SNX22: variants seen among roughly 807,000 people sequenced by gnomAD.
SNX22 encodes sorting nexin 22.
In SNX22, 23 loss-of-function variants were observed where a neutral mutation model predicts 24.7. The observed-to-expected ratio is 0.93, with a 90% confidence interval of 0.67 to 1.32. The LOEUF (loss-of-function observed/expected upper bound fraction) is 1.32. Among genes scored for constraint, SNX22 ranks in the 40% most tolerant of loss-of-function variants. The pLI, the probability that SNX22 is intolerant of heterozygous loss-of-function variation, is 0.00. For missense variants in SNX22, 261 were observed against 249.9 expected, an observed-to-expected ratio of 1.04 and a Z score of -0.30; for synonymous variants, 99 against 104.0, an observed-to-expected ratio of 0.95 and a Z score of 0.29.
rs2081538558 is a variant in SNX22 at position 64,157,043 on chromosome 15, G to A, written c.*2535G>A. On this transcript the variant is annotated 3_prime_UTR_variant, in exon 7 of 7. Transcript: ENST00000325881. This position sits in a 1 kb window ranked among gnomAD's most constrained non-coding sequence, Gnocchi z 4.2. ...TGGAGTGGACTACAAGGACATAAAA[G>A]CAGCGTCCTTCCTATCTTCTGGCCT... The A allele has an allele frequency of 1.0e-6, 1 of 952,674 alleles. No homozygotes were observed. Among genetic ancestry groups the A allele is most frequent in the Admixed American group, 2.5e-5 (1 of 39,728 alleles). The allele number at this position is 952,674 out of a possible 1,614,324, so 59.0% of individuals were successfully genotyped here.
At position 64,155,334 on chromosome 15, in the gene SNX22, GC is replaced by G. The variant is rs1049849011; in HGVS notation, c.*828del. The G allele has an allele frequency of 6.6e-6, 1 of 152,502 alleles. No individual in the cohort carries two copies. Among genetic ancestry groups the G allele is most frequent in the Non-Finnish European group, 1.5e-5 (1 of 68,858 alleles). The allele number at this position is 152,502 out of a possible 1,614,324, so 9.4% of individuals were successfully genotyped here. On this transcript the variant is annotated 3_prime_UTR_variant, in exon 7 of 7. Coordinates refer to ENST00000325881, the MANE Select transcript of SNX22 (RefSeq NM_024798.3). ...GCCGAGATCGCGCCACTGCACTCCAGCCTGGGCAACAAGAGTGAAACTCCGT... is the reference window on the plus strand; with the variant it reads ...GCCGAGATCGCGCCACTGCACTCCAGCTGGGCAACAAGAGTGAAACTCCGT...
chr15:64,156,626 T>C lies in SNX22; in HGVS notation c.*2118T>C. On this transcript the variant is annotated 3_prime_UTR_variant, in exon 7 of 7. Coordinates refer to ENST00000325881, the MANE Select transcript of SNX22 (RefSeq NM_024798.3). This position sits in a 1 kb window ranked among gnomAD's most constrained non-coding sequence, Gnocchi z 6.4. ...TGGGCTGCATCTGTGGGTTGGGTCC[T>C]TTTGGGAAAGGGATGGACACATGGA... 6.8e-7 allele frequency: 1 copy of C among 1,470,438 alleles called. No individual in the cohort carries two copies. The highest frequency in any genetic ancestry group is 1.7e-5 in the Admixed American group (1 of 59,826). 91.1% of individuals were successfully genotyped at this position (1,470,438 alleles called of 1,614,324 possible). A position where few individuals can be genotyped will look rare whatever the true frequency, so the allele number is the denominator to read the frequency against.
intron 4 of SNX22, 37 bp downstream of exon 4, chr15:64,153,376 G>C (rs1336842760): frequency 6.2e-7 from 1 of 1,612,446 alleles, no homozygotes; most frequent in East Asian, 2.2e-5. Flanking sequence ...GGGGCTGTCA[G>C]CAGTGAGCAG....
In SNX22 at chr15:64,156,579, GGT is replaced by G. The variant is rs1051298485; in HGVS notation, c.*2072_*2073del. 3.7e-5 allele frequency: 37 copies of G among 1,007,352 alleles called. 1 individual carries two copies. Among genetic ancestry groups the G allele is most frequent in the Middle Eastern group, 2.4e-4 (1 of 4,156 alleles). 62.4% of individuals were successfully genotyped at this position (1,007,352 alleles called of 1,614,324 possible). A position where few individuals can be genotyped will look rare whatever the true frequency, so the allele number is the denominator to read the frequency against. ...GAACCTTGGAGGCATGGAGGTACAG[GGT>G]TTATTCTGGACAGGAGCACTGGGCT... On this transcript the variant is annotated 3_prime_UTR_variant, in exon 7 of 7. Coordinates refer to ENST00000325881, the MANE Select transcript of SNX22 (RefSeq NM_024798.3). The surrounding 1 kb of genome is among the most constrained non-coding windows in gnomAD (Gnocchi z 6.4).
In SNX22 at chr15:64,154,414, G is replaced by C. The variant is rs1345182468; in HGVS notation, c.488G>C (p.Gly163Ala). ...TCGCTGCCCAACGTGGTGGTGAATG[G>C]TGTGCTCCAGGGCCTCTACAGCTTC... ...PESLPNVVVN[G>A]VLQGLYSFSI... is the part of the protein sequence containing the mutation. Residue 163 changes from glycine to alanine, a missense_variant, in exon 7 of 7, where the codon GGT becomes GCT. Coordinates refer to ENST00000325881, the MANE Select transcript of SNX22 (RefSeq NM_024798.3). 1 of 1,614,004 alleles carries C rather than the reference G, an allele frequency of 6.2e-7. No individual in the cohort carries two copies.
rs1432433450 is a variant in SNX22 at position 64,153,655 on chromosome 15, C to T, written c.363C>T (p.Thr121=). The T allele has an allele frequency of 4.3e-6, 7 of 1,614,086 alleles. No homozygotes were observed. In the East Asian group the frequency reaches 8.9e-5, roughly 21 times the overall value. The change falls in exon 5 of 7, where the codon ACC becomes ACT. Residue 121 remains threonine, a synonymous_variant. Coordinates refer to ENST00000325881, the MANE Select transcript of SNX22 (RefSeq NM_024798.3). ...PTDPKASNWG[T]LREFLPGDSS... is the part of the protein sequence containing the mutation. Reference sequence around the variant, plus strand: ...ACAGTGTTTCTCTTCTCTTCAGCACCCTGAGGGAGTTCCTGCCTGGCGACA... The same window carrying T: ...ACAGTGTTTCTCTTCTCTTCAGCACTCTGAGGGAGTTCCTGCCTGGCGACA...
intron 5 of SNX22, 34 bp from the exon 6 acceptor site, chr15:64,153,901 C>A: frequency 6.2e-7 from 1 of 1,601,410 alleles, no homozygotes; most frequent in Non-Finnish European, 8.5e-7. Context: ...CCCTGCCTCC[C>A]GCACCCATGG....
intron 4 of SNX22, 113 bp downstream of exon 4, chr15:64,153,452 C>T: frequency 6.5e-7 from 1 of 1,547,964 alleles, no homozygotes; most frequent in Non-Finnish European, 8.8e-7. Context: ...CATGACCGCC[C>T]TCACCAGCTC....
In SNX22 at chr15:64,156,111, T is replaced by G; in HGVS notation, c.*1603T>G. 1 of 1,614,188 alleles carries G rather than the reference T, an allele frequency of 6.2e-7. No individual in the cohort carries two copies. Among genetic ancestry groups the G allele is most frequent in the South Asian group, 1.1e-5 (1 of 91,084 alleles). ...ATCCTTCAGGGGTTTATCCCGGCTG[T>G]CTGTCTTGGTGCTCTCCACCTTCCG... On this transcript the variant is annotated 3_prime_UTR_variant, in exon 7 of 7. Coordinates refer to ENST00000325881, the MANE Select transcript of SNX22 (RefSeq NM_024798.3). The surrounding 1 kb of genome is among the most constrained non-coding windows in gnomAD (Gnocchi z 6.4).
At position 64,155,396 on chromosome 15, in the gene SNX22, T is replaced by C. The variant is rs2081520545; in HGVS notation, c.*888T>C. On this transcript the variant is annotated 3_prime_UTR_variant, in exon 7 of 7. Transcript: ENST00000325881. Reference sequence around the variant, plus strand: ...ATAAATAATAAAGGAAGAAGTCAGCTGGGTGCAGAGGCTCATGCCTGTAAT... The same window carrying C: ...ATAAATAATAAAGGAAGAAGTCAGCCGGGTGCAGAGGCTCATGCCTGTAAT... 6.6e-6 allele frequency: 1 copy of C among 151,560 alleles called. No individual in the cohort carries two copies. Among genetic ancestry groups the C allele is most frequent in the South Asian group, 2.1e-4 (1 of 4,804 alleles). 9.4% of individuals were successfully genotyped at this position (151,560 alleles called of 1,614,324 possible). A position where few individuals can be genotyped will look rare whatever the true frequency, so the allele number is the denominator to read the frequency against.
rs568378169 is a variant in SNX22 at position 64,156,894 on chromosome 15, C to T, written c.*2386C>T. On this transcript the variant is annotated 3_prime_UTR_variant, in exon 7 of 7. Coordinates refer to ENST00000325881, the MANE Select transcript of SNX22 (RefSeq NM_024798.3). This position sits in a 1 kb window ranked among gnomAD's most constrained non-coding sequence, Gnocchi z 6.4. ...GAAGTTCTCATCGGGGAAGCGCTCA[C>T]CGTAGATGCTCTTTCCTGGGAAAAA... is the stretch of plus-strand genomic sequence containing the variant. 6.1e-5 allele frequency: 99 copies of T among 1,614,130 alleles called. No homozygotes were observed. The highest frequency in any genetic ancestry group is 1.7e-4 in the Middle Eastern group (1 of 6,058).
At position 64,154,628 on chromosome 15, in the gene SNX22, T is replaced by C. The variant is rs2081513357; in HGVS notation, c.*120T>C. 1.5e-6 allele frequency: 2 copies of C among 1,310,794 alleles called. No homozygotes were observed. The highest frequency in any genetic ancestry group is 2.1e-6 in the Non-Finnish European group (2 of 953,062). The allele number at this position is 1,310,794 out of a possible 1,614,324, so 81.2% of individuals were successfully genotyped here. ...AGGACTTAATTACCCAGTGCCCAGT[T>C]GTGCCACATTCCCACTCAAGGCTCA... On this transcript the variant is annotated 3_prime_UTR_variant, in exon 7 of 7. Coordinates refer to ENST00000325881, the MANE Select transcript of SNX22 (RefSeq NM_024798.3).
At chr15:64,153,493 G>A (rs1185724781) in intron 4 of SNX22, 154 bp downstream of exon 4, 2 of 1,483,758 alleles carry the variant, frequency 1.3e-6, no homozygotes, top group Non-Finnish European at 9.2e-7. Flanking sequence ...CTTTTTTTTG[G>A]ACAGACTTGG....
In SNX22 at chr15:64,156,396, G is replaced by C; in HGVS notation, c.*1888G>C. The C allele has an allele frequency of 3.2e-6, 2 of 633,450 alleles. No homozygotes were observed. Among genetic ancestry groups the C allele is most frequent in the Non-Finnish European group, 5.6e-6 (2 of 356,782 alleles). The allele number at this position is 633,450 out of a possible 1,614,324, so 39.2% of individuals were successfully genotyped here. On this transcript the variant is annotated 3_prime_UTR_variant, in exon 7 of 7. Coordinates refer to ENST00000325881, the MANE Select transcript of SNX22 (RefSeq NM_024798.3). This position sits in a 1 kb window ranked among gnomAD's most constrained non-coding sequence, Gnocchi z 6.4. ...GGCCAAGGGTGAGGAGGAGGAAGAGGGTGACCAGGGCATGTGGCTTCTCAG... is the reference window on the plus strand; with the variant it reads ...GGCCAAGGGTGAGGAGGAGGAAGAGCGTGACCAGGGCATGTGGCTTCTCAG...
At chr15:64,154,208 C>T (rs1349180075) in intron 6 of SNX22, 179 bp from the exon 7 acceptor site, 3 of 1,574,974 alleles carry the variant, frequency 1.9e-6, no homozygotes, top group Non-Finnish European at 8.6e-7. Flanking sequence ...AGCCTGACTT[C>T]TTTACCAAGC....
Position 64,156,426 on chromosome 15 carries a change from ATT to A in SNX22, c.*1919_*1920del. ...CCAGGGCATGTGGCTTCTCAGGGACATTGCGTTCAGCTGCACTCTGTATACCT... is the reference window on the plus strand; with the variant it reads ...CCAGGGCATGTGGCTTCTCAGGGACAGCGTTCAGCTGCACTCTGTATACCT... On this transcript the variant is annotated 3_prime_UTR_variant, in exon 7 of 7. Transcript: ENST00000325881. The surrounding 1 kb of genome is among the most constrained non-coding windows in gnomAD (Gnocchi z 6.4). 1 of 617,826 alleles carries A rather than the reference ATT, an allele frequency of 1.6e-6. No homozygotes were observed. The highest frequency in any genetic ancestry group is 2.6e-5 in the Admixed American group (1 of 38,016). 38.3% of individuals were successfully genotyped at this position (617,826 alleles called of 1,614,324 possible).
intron 3 of SNX22, 162 bp downstream of exon 3, chr15:64,152,904 C>G (rs137978313): frequency 2.8e-5 from 18 of 643,658 alleles, no homozygotes; most frequent in South Asian, 7.7e-5. Context: ...CCAAACACCC[C>G]CCTCTGGCTT....
At position 64,156,500 on chromosome 15, in the gene SNX22, T is replaced by G; in HGVS notation, c.*1992T>G. 1.5e-6 allele frequency: 1 copy of G among 648,652 alleles called. No homozygotes were observed. Among genetic ancestry groups the G allele is most frequent in the Admixed American group, 2.5e-5 (1 of 39,558 alleles). The allele number at this position is 648,652 out of a possible 1,614,324, so 40.2% of individuals were successfully genotyped here. A position where few individuals can be genotyped will look rare whatever the true frequency, so the allele number is the denominator to read the frequency against. ...ACTGAGTGAAGGAGGGGAGGGAGGC[T>G]CTGGCAGTTGTGCAGCCTTCCTGGC... On this transcript the variant is annotated 3_prime_UTR_variant, in exon 7 of 7. Transcript: ENST00000325881. This position sits in a 1 kb window ranked among gnomAD's most constrained non-coding sequence, Gnocchi z 6.4.
chr15:64,156,218 G>A lies in SNX22; in HGVS notation c.*1710G>A, dbSNP rs191357754. The A allele has an allele frequency of 3.8e-5, 60 of 1,585,860 alleles. No individual in the cohort carries two copies. In the African/African-American group the frequency reaches 4.3e-4, roughly 11 times the overall value. ...CACCGCTCAGGAGAAAGGCCCCAGC[G>A]TATGGCTCAGGAGGGCTAAGACCCA... On this transcript the variant is annotated 3_prime_UTR_variant, in exon 7 of 7. Coordinates refer to ENST00000325881, the MANE Select transcript of SNX22 (RefSeq NM_024798.3). This position sits in a 1 kb window ranked among gnomAD's most constrained non-coding sequence, Gnocchi z 6.4.
Sources: allele counts gnomAD v4.1 joint callset, GRCh38; gene constraint gnomAD v4.1.1; non-coding constraint Gnocchi (gnomAD v3.1); transcripts MANE v1.5; gene names NCBI Gene and HGNC (gene_info 2026-07-23, HGNC 2026-07-21).